The following CLASP1 variants were observed in gnomAD, a reference collection of about 807,000 sequenced individuals.
The protein encoded by CLASP1 is cytoplasmic linker associated protein 1, also known as CLIP-associating protein 1.
Under a neutral mutation model 192.3 loss-of-function variants are expected in CLASP1, and 38 were observed. The ratio of observed to expected loss-of-function variants is 0.20; its 90% CI spans 0.15 to 0.26. The LOEUF is 0.26. Ranked by LOEUF, CLASP1 falls within the 10% of genes least tolerant of loss-of-function variation. The pLI is 1.00. For synonymous variants in CLASP1, 691 were observed against 712.8 expected, an observed-to-expected ratio of 0.97 and a Z score of 0.49; for missense variants, 1,433 against 1,932.5, an observed-to-expected ratio of 0.74 and a Z score of 4.85.
chr2:121,449,021 C>T (rs558271112), exon 17 of CLASP1: 1 of 1,613,968 alleles, frequency 6.2e-7, no homozygotes, highest in Admixed American at 1.7e-5. Flanking sequence ...TGTCTGAGTT[C>T]TTCAGGTGGG....
chr2:121,497,844 C>T (rs534806713), intron 8 of CLASP1, among the ~76,000 whole-genome samples: 29 of 152,212 alleles, frequency 1.9e-4, no homozygotes, highest in Non-Finnish European at 4.1e-4. Context: ...CCCAGCCTCC[C>T]GAATAGCTAG....
In CLASP1 at chr2:121,614,663, C is replaced by A. The variant is rs112741818; in HGVS notation, c.-285-8483G>T. 9.9e-5 allele frequency among the ~76,000 whole-genome samples: 15 copies of A among 152,246 alleles called. 1 individual carries two copies. The highest frequency in any genetic ancestry group is 3.4e-4 in the African/African-American group (14 of 41,550). ...TGGATGGAGCGAATATATTCATATA[C>A]CCTGTTTATCCATTACCAGTCTGTC... is the stretch of plus-strand genomic sequence containing the variant. On this transcript the variant is annotated intron_variant, in intron 1 of 39. Transcript: ENST00000263710.
chr2:121,384,005 TATACACACACAC>T (rs1395762944), intron 32 of CLASP1, among the ~76,000 whole-genome samples: 5 of 137,898 alleles, frequency 3.6e-5, no homozygotes, highest in Non-Finnish European at 4.7e-5. Flanking sequence ...TATATATATA[TATACACACACAC>T]ACACACACAC....
rs1421104999 is a variant in CLASP1 at position 121,492,419 on chromosome 2, AAAGAT to A, written c.712+10743_712+10747del. On this transcript the variant is annotated intron_variant, in intron 8 of 39. Coordinates refer to ENST00000263710, the Ensembl canonical transcript of CLASP1. ...AAAAAAAAAAAAAAAAAAAAAGTGA[AAAGAT>A]AAGCCACAGAATGAAAAAAAAATTT... Among the ~76,000 whole-genome samples the A allele has an allele frequency of 1.3e-3, 193 of 151,032 alleles. 3 individuals carry two copies. Among genetic ancestry groups the A allele is most frequent in the African/African-American group, 4.2e-3 (175 of 41,184 alleles).
At position 121,527,934 on chromosome 2, in the gene CLASP1, C is replaced by T. The variant is rs1474528558; in HGVS notation, c.379-44G>A. On this transcript the variant is annotated intron_variant, in intron 4 of 39. Coordinates refer to ENST00000263710, the Ensembl canonical transcript of CLASP1. ...AGGTGAGGAAAGGAGAAGACTGCTG[C>T]AGCTGACACTTTATAAGGGAGCAAT... 10 of 1,491,056 alleles carry T rather than the reference C, an allele frequency of 6.7e-6. 1 individual carries two copies. The Admixed American group carries it at 1.5e-4, about 23-fold the overall frequency. 92.4% of individuals were successfully genotyped at this position (1,491,056 alleles called of 1,614,324 possible).
At chr2:121,375,924 C>T (rs927847310) in intron 34 of CLASP1, among the ~76,000 whole-genome samples, 1 of 152,162 alleles carries the variant, frequency 6.6e-6, no homozygotes, top group Non-Finnish European at 1.5e-5. Flanking sequence ...AGGCACTTAA[C>T]ATTCCTTGAA....
chr2:121,495,486 C>A (rs1460851157), intron 8 of CLASP1, among the ~76,000 whole-genome samples: 1 of 151,310 alleles, frequency 6.6e-6, no homozygotes, highest in African/African-American at 2.4e-5. Flanking sequence ...CATGGTGAAA[C>A]CCCGTCTCTA....
At chr2:121,379,192 T>C (rs1347051994) in intron 33 of CLASP1, among the ~76,000 whole-genome samples, 1 of 148,522 alleles carries the variant, frequency 6.7e-6, no homozygotes, top group African/African-American at 2.5e-5. Context: ...CCTTTCCTGA[T>C]GAATGAATAT....
rs146812767 is a variant in CLASP1 at position 121,466,089 on chromosome 2, C to T, written c.866-3484G>A. ...AATTTTCTAAGCCTTGTTTGTGCAA[C>T]GGATAATTACCCAAGAATAGTTCAA... On this transcript the variant is annotated intron_variant, in intron 9 of 39. Coordinates refer to ENST00000263710, the Ensembl canonical transcript of CLASP1. 2.1e-3 allele frequency among the ~76,000 whole-genome samples: 312 copies of T among 152,138 alleles called. 1 individual carries two copies. Among genetic ancestry groups the T allele is most frequent in the African/African-American group, 7.2e-3 (297 of 41,498 alleles).
At chr2:121,472,427 T>C (rs990467285) in intron 8 of CLASP1, among the ~76,000 whole-genome samples, 3 of 152,156 alleles carry the variant, frequency 2.0e-5, no homozygotes, top group African/African-American at 4.8e-5. Flanking sequence ...TGCATAAAGA[T>C]ATGGATTTGT....
At chr2:121,449,065 T>A (rs1399634241) in exon 17 of CLASP1, 6 of 1,613,848 alleles carry the variant, frequency 3.7e-6, no homozygotes. Flanking sequence ...GACTCCAAGG[T>A]GTGGTACAAG....
At chr2:121,458,008 T>C (rs2087053114) in intron 13 of CLASP1, among the ~76,000 whole-genome samples, 1 of 152,206 alleles carries the variant, frequency 6.6e-6, no homozygotes, top group African/African-American at 2.4e-5. Flanking sequence ...AGGTCTAAAT[T>C]ATCTCAGCTG....
intron 30 of CLASP1, among the ~76,000 whole-genome samples, chr2:121,396,443 T>A (rs1363369887): frequency 6.6e-6 from 1 of 152,202 alleles, no homozygotes; most frequent in Non-Finnish European, 1.5e-5. Context: ...TTAAAATAAG[T>A]TGAGGTTTTT....
At chr2:121,518,007 C>T (rs1183807455) in intron 6 of CLASP1, among the ~76,000 whole-genome samples, 12 of 149,186 alleles carry the variant, frequency 8.0e-5, no homozygotes, top group African/African-American at 3.0e-4. Context: ...CAAGTTCAGG[C>T]GAGTTCAAGG....
chr2:121,452,316 CCCTAAAT>C (rs2085653805), intron 14 of CLASP1, among the ~76,000 whole-genome samples: 1 of 152,156 alleles, frequency 6.6e-6, no homozygotes, highest in African/African-American at 2.4e-5. Flanking sequence ...CATGCTAAGG[CCCTAAAT>C]AGTGCTTAAA....
intron 2 of CLASP1, among the ~76,000 whole-genome samples, chr2:121,564,017 G>T (rs2059310438): frequency 6.6e-6 from 1 of 152,136 alleles, no homozygotes. Context: ...AAAACCATCA[G>T]ATCTTGTGAG....
intron 22 of CLASP1, 96 bp downstream of exon 22, chr2:121,425,043 A>T (rs1356105538): frequency 1.6e-5 from 20 of 1,249,642 alleles, no homozygotes; most frequent in Non-Finnish European, 2.1e-5. Flanking sequence ...TTCAAAAAAT[A>T]GATCTATATT....
chr2:121,446,109 C>A (rs2084284066), intron 19 of CLASP1, among the ~76,000 whole-genome samples: 1 of 152,162 alleles, frequency 6.6e-6, no homozygotes, highest in Admixed American at 6.5e-5. Flanking sequence ...TAATGAATTT[C>A]TTCTCAATTG....
intron 8 of CLASP1, among the ~76,000 whole-genome samples, chr2:121,471,502 A>C (rs1337489381): frequency 6.6e-6 from 1 of 152,092 alleles, no homozygotes; most frequent in Non-Finnish European, 1.5e-5. Context: ...AGTTTGAAAT[A>C]AATCATTGCT....
Sources: gnomAD v4.1 joint callset for allele counts (sites outside exome capture counted in the v4.1 genomes callset) on GRCh38, gnomAD v4.1.1 for gene constraint, MANE v1.5 for transcripts, NCBI Gene and HGNC (gene_info 2026-07-23, HGNC 2026-07-21) for gene names.